Variants in MECOM observed in about 807,000 individuals in gnomAD.
MECOM encodes the protein MDS1 and EVI1 complex locus.
Under a neutral mutation model 116.3 loss-of-function variants are expected in MECOM, and 13 were observed. That is an observed-to-expected ratio of 0.11 (90% CI 0.07 to 0.18). The LOEUF is 0.18. MECOM is among the 10% of genes least tolerant of loss of function. The probability of loss-of-function intolerance (pLI) is 1.00; values close to 1 mark genes in which losing one functional copy is unlikely to be tolerated. For missense variants in MECOM, 1,299 were observed against 1,509.0 expected (o/e 0.86, Z 2.31); for synonymous variants, 528 against 535.2 (o/e 0.99, Z 0.19).
At chr3:169,157,250 C>A (rs1445322220) in intron 2 of MECOM, among the ~76,000 whole-genome samples, 2 of 152,180 alleles carry the variant, frequency 1.3e-5, no homozygotes, top group African/African-American at 4.8e-5. Context: ...CACCCCAAAT[C>A]TCTGATGGTG....
intron 2 of MECOM, among the ~76,000 whole-genome samples, chr3:169,156,841 C>A (rs1022650918): frequency 2.6e-5 from 4 of 152,168 alleles, no homozygotes; most frequent in Non-Finnish European, 5.9e-5. Context: ...AGCAGCAGTG[C>A]AATCTCCATC....
intron 1 of MECOM, among the ~76,000 whole-genome samples, chr3:169,639,313 G>A (rs1004233525): frequency 2.6e-5 from 4 of 152,146 alleles, no homozygotes; most frequent in African/African-American, 9.7e-5. Flanking sequence ...AGCCACAGAA[G>A]TGTCTTCAAA....
chr3:169,184,672 C>T (rs1009814946), intron 2 of MECOM, among the ~76,000 whole-genome samples: 1 of 152,094 alleles, frequency 6.6e-6, no homozygotes, highest in African/African-American at 2.4e-5. Context: ...CCCATGGGGT[C>T]TTGGGACTGA....
chr3:169,131,523 A>G lies in MECOM; in HGVS notation c.519T>C (p.Tyr173=), dbSNP rs1255806624. ...CCGGCGCAATGTCTGCAACTACTCTATAGAATATCTTTAAAGACAAAATAA... is the reference window on the plus strand; with the variant it reads ...CCGGCGCAATGTCTGCAACTACTCTGTAGAATATCTTTAAAGACAAAATAA... The part of the protein sequence containing the change: ...VACQINDQIF[Y]RVVADIAPGE... The change falls in exon 4 of 17, where the codon TAT becomes TAC. Residue 173 remains tyrosine, a synonymous_variant. Coordinates refer to ENST00000651503, the MANE Select transcript of MECOM (RefSeq NM_004991.4). The G allele has an allele frequency of 3.1e-6, 5 of 1,611,848 alleles. No individual in the cohort carries two copies. The highest frequency in any genetic ancestry group is 2.2e-5 in the East Asian group (1 of 44,838).
chr3:169,455,099 T>C (rs1381382261), intron 1 of MECOM, among the ~76,000 whole-genome samples: 1 of 152,048 alleles, frequency 6.6e-6, no homozygotes, highest in African/African-American at 2.4e-5. Context: ...AATTACACAA[T>C]CTAAGAAGGA....
intron 1 of MECOM, among the ~76,000 whole-genome samples, chr3:169,558,336 C>G (rs1762270417): frequency 6.6e-6 from 1 of 152,152 alleles, no homozygotes; most frequent in Non-Finnish European, 1.5e-5. Context: ...TAGTCTTGCT[C>G]ACTTATGTCA....
intron 2 of MECOM, among the ~76,000 whole-genome samples, chr3:169,212,633 A>AAT (rs780806279): frequency 0.012 from 1,002 of 85,460 alleles, 262 homozygotes; most frequent in Non-Finnish European, 0.014. Flanking sequence ...TCTAGTCAGC[A>AAT]ATGTATATAT....
chr3:169,226,770 T>C (rs1161563791), intron 2 of MECOM, among the ~76,000 whole-genome samples: 1 of 152,180 alleles, frequency 6.6e-6, no homozygotes, highest in East Asian at 1.9e-4. Context: ...TTACATAAAG[T>C]GCTTATCAAC....
chr3:169,316,457 G>A (rs1236839876), intron 2 of MECOM, among the ~76,000 whole-genome samples: 1 of 152,144 alleles, frequency 6.6e-6, no homozygotes, highest in Non-Finnish European at 1.5e-5. Flanking sequence ...TTTATATTGT[G>A]TCTATGGCTA....
chr3:169,272,695 C>A (rs991886077), intron 2 of MECOM, among the ~76,000 whole-genome samples: 1 of 152,112 alleles, frequency 6.6e-6, no homozygotes, highest in Non-Finnish European at 1.5e-5. Flanking sequence ...AGGGAGAAAG[C>A]AAATCATTTA....
intron 2 of MECOM, among the ~76,000 whole-genome samples, chr3:169,346,102 C>T (rs560003251): frequency 2.0e-5 from 3 of 151,926 alleles, no homozygotes; most frequent in African/African-American, 2.4e-5. Flanking sequence ...AAGTTTTAAG[C>T]GAAGCAAGAC....
At chr3:169,306,196 T>C (rs964356399) in intron 2 of MECOM, among the ~76,000 whole-genome samples, 2 of 152,186 alleles carry the variant, frequency 1.3e-5, no homozygotes, top group African/African-American at 4.8e-5. Flanking sequence ...TGTATAATTA[T>C]AGCTGAATAT....
intron 2 of MECOM, among the ~76,000 whole-genome samples, chr3:169,206,335 C>A (rs1338741254): frequency 1.3e-5 from 2 of 152,176 alleles, no homozygotes; most frequent in African/African-American, 2.4e-5. Context: ...AGTGACTCTT[C>A]TGAGATCTAA....
intron 2 of MECOM, among the ~76,000 whole-genome samples, chr3:169,273,252 A>G (rs1478156562): frequency 6.6e-6 from 1 of 152,174 alleles, no homozygotes; most frequent in African/African-American, 2.4e-5. Flanking sequence ...AATACACTAT[A>G]TGATTTTGTA....
chr3:169,412,482 G>A (rs947334055), intron 1 of MECOM, among the ~76,000 whole-genome samples: 28 of 151,992 alleles, frequency 1.8e-4, no homozygotes, highest in Admixed American at 1.3e-3. Flanking sequence ...CAATTCTTGC[G>A]TATGCCATCA....
chr3:169,506,842 A>T (rs1755292282), intron 1 of MECOM, among the ~76,000 whole-genome samples: 1 of 152,180 alleles, frequency 6.6e-6, no homozygotes, highest in South Asian at 2.1e-4. Context: ...AATTTGGCTC[A>T]TCTCTCTGCC....
chr3:169,212,295 A>G (rs899114211), intron 2 of MECOM, among the ~76,000 whole-genome samples: 2 of 152,060 alleles, frequency 1.3e-5, no homozygotes, highest in Non-Finnish European at 2.9e-5. Flanking sequence ...AAATCAGATC[A>G]TGCCATCCCC....
chr3:169,548,229 T>C (rs1478522061), intron 1 of MECOM, among the ~76,000 whole-genome samples: 1 of 152,170 alleles, frequency 6.6e-6, no homozygotes, highest in Non-Finnish European at 1.5e-5. Context: ...TACTGTGAAA[T>C]TGATTTTGTG....
intron 1 of MECOM, among the ~76,000 whole-genome samples, chr3:169,449,763 GA>G (rs1315463675): frequency 1.3e-5 from 2 of 151,948 alleles, no homozygotes; most frequent in African/African-American, 4.8e-5. Context: ...GATACCATCG[GA>G]AAAAAAGAAA....
Sources: allele counts gnomAD v4.1 joint callset (sites outside exome capture counted in the v4.1 genomes callset), GRCh38; gene constraint gnomAD v4.1.1; transcripts MANE v1.5; gene names NCBI Gene and HGNC (gene_info 2026-07-23, HGNC 2026-07-21).